The following SNX13 variants were observed in gnomAD, a reference collection of about 807,000 sequenced individuals.
SNX13 encodes the protein sorting nexin 13.
SNX13 carries 45 observed loss-of-function variants against 133.6 expected under a neutral mutation model. That is an observed-to-expected ratio of 0.34 (90% CI 0.27 to 0.43). The LOEUF is 0.43. Among genes scored for constraint, SNX13 ranks in the 20% least tolerant of loss-of-function variants. The pLI is 1.00. For synonymous variants in SNX13, 414 were observed against 373.9 expected, an observed-to-expected ratio of 1.11 and a Z score of -1.24; for missense variants, 1,032 against 1,145.1, an observed-to-expected ratio of 0.90 and a Z score of 1.43.
intron 1 of SNX13, among the ~76,000 whole-genome samples, chr7:17,924,827 G>C (rs1321738154): frequency 6.6e-6 from 1 of 152,128 alleles, no homozygotes. Context: ...GATACAACAT[G>C]GATGAATCTT....
intron 16 of SNX13, among the ~76,000 whole-genome samples, chr7:17,828,277 A>C (rs1788124607): frequency 6.6e-6 from 1 of 151,808 alleles, no homozygotes; most frequent in East Asian, 1.9e-4. Flanking sequence ...GGAATATATT[A>C]AAAGACAATT....
At chr7:17,872,035 G>A (rs1794180320) in intron 8 of SNX13, among the ~76,000 whole-genome samples, 2 of 152,154 alleles carry the variant, frequency 1.3e-5, no homozygotes, top group Admixed American at 1.3e-4. Flanking sequence ...GTTTTAAAAA[G>A]CTGTGAGTCA....
intron 22 of SNX13, among the ~76,000 whole-genome samples, chr7:17,801,091 A>G (rs943359254): frequency 1.8e-5 from 2 of 108,716 alleles, no homozygotes; most frequent in East Asian, 5.9e-4. Context: ...TCCTAAGTAT[A>G]GATCCAATAG....
chr7:17,811,879 A>C (rs918028849), intron 20 of SNX13, among the ~76,000 whole-genome samples: 4 of 152,182 alleles, frequency 2.6e-5, no homozygotes, highest in Admixed American at 6.5e-5. Context: ...AAACCCTGAC[A>C]AAAACAAGCA....
intron 25 of SNX13, chr7:17,795,651 G>A (rs916960585): frequency 6.6e-6 from 1 of 151,542 alleles, no homozygotes; most frequent in African/African-American, 2.4e-5. Context: ...ATTTCTACTG[G>A]AAAGTAAGCT....
At chr7:17,834,224 G>C (rs776009242) in intron 14 of SNX13, 40 bp from the exon 15 acceptor site, 16 of 1,477,322 alleles carry the variant, frequency 1.1e-5, no homozygotes, top group Non-Finnish European at 1.4e-5. Flanking sequence ...ATTAATACAG[G>C]TGTGTGGTGA....
intron 1 of SNX13, among the ~76,000 whole-genome samples, chr7:17,923,172 T>C (rs1800322617): frequency 1.3e-5 from 2 of 152,196 alleles, no homozygotes; most frequent in South Asian, 4.1e-4. Flanking sequence ...CCAAAACTTG[T>C]ACTCCACCAC....
chr7:17,918,032 C>T (rs764403548), intron 1 of SNX13, among the ~76,000 whole-genome samples: 2 of 151,942 alleles, frequency 1.3e-5, no homozygotes, highest in Non-Finnish European at 2.9e-5. Context: ...TCGACAACAT[C>T]GACAAAAATA....
chr7:17,936,040 C>G (rs562584120), intron 1 of SNX13, among the ~76,000 whole-genome samples: 1 of 152,142 alleles, frequency 6.6e-6, no homozygotes, highest in Admixed American at 6.5e-5. Flanking sequence ...GTTCAGGGAG[C>G]CTTTCTTGAT....
At chr7:17,864,402 A>C (rs1793107754) in intron 9 of SNX13, among the ~76,000 whole-genome samples, 1 of 152,232 alleles carries the variant, frequency 6.6e-6, no homozygotes, top group Non-Finnish European at 1.5e-5. Flanking sequence ...GAGTATCTTA[A>C]TAGCAGAATT....
intron 20 of SNX13, among the ~76,000 whole-genome samples, chr7:17,811,410 G>A (rs185937734): frequency 2.0e-5 from 3 of 152,214 alleles, no homozygotes; most frequent in Admixed American, 2.0e-4. Context: ...GCTACAAAGA[G>A]AATAAAATAC....
chr7:17,798,600 G>A (rs938382085), intron 24 of SNX13, 90 bp downstream of exon 24: 1 of 979,020 alleles, frequency 1.0e-6, no homozygotes, highest in African/African-American at 1.7e-5. Context: ...TTTATGTCCA[G>A]GAAGGAAACA....
In SNX13 at chr7:17,882,834, G is replaced by A. The variant is rs551928493; in HGVS notation, c.441-7044C>T. The A allele has an allele frequency of 1.9e-4, 248 of 1,277,176 alleles. 2 individuals are homozygous for A. In the South Asian group the frequency reaches 3.0e-3, roughly 16 times the overall value. The allele number at this position is 1,277,176 out of a possible 1,614,324, so 79.1% of individuals were successfully genotyped here. A position where few individuals can be genotyped will look rare whatever the true frequency, so the allele number is the denominator to read the frequency against. The stretch of plus-strand genomic sequence containing the variant: ...AGAATTTAAATTACATATTCTAGGA[G>A]ACACAGTGAGACCAAGGTTTTGTTA... On this transcript the variant is annotated intron_variant, in intron 5 of 25. Coordinates refer to ENST00000428135, the MANE Select transcript of SNX13 (RefSeq NM_015132.5).
intron 1 of SNX13, among the ~76,000 whole-genome samples, chr7:17,905,463 A>G (rs1353851443): frequency 6.6e-6 from 1 of 152,220 alleles, no homozygotes; most frequent in Non-Finnish European, 1.5e-5. Flanking sequence ...CAGAAAAGAT[A>G]ATGCCTTTAG....
At chr7:17,851,673 C>G (rs1480100699) in intron 9 of SNX13, among the ~76,000 whole-genome samples, 2 of 113,010 alleles carry the variant, frequency 1.8e-5, no homozygotes, top group South Asian at 3.0e-4. Context: ...GGAGTTACCA[C>G]TAAACAAGAT....
rs1185712791 is a variant in SNX13 at position 17,834,121 on chromosome 7, C to G, written c.1528G>C (p.Val510Leu). 1 of 1,594,640 alleles carries G rather than the reference C, an allele frequency of 6.3e-7. No individual in the cohort carries two copies. The part of the protein sequence containing the change: ...YPSFRQNALY[V>L]RMLAELDMLK... ...ATGTCAAGCTCAGCTAACATGCGCACATAAAGTGCATTCTGTCTGAAGGAA... is the reference window on the plus strand; with the variant it reads ...ATGTCAAGCTCAGCTAACATGCGCAGATAAAGTGCATTCTGTCTGAAGGAA... The change falls in exon 15 of 26, where the codon GTG becomes CTG. Residue 510 changes from valine to leucine, a missense_variant. Physicochemically the swap from Val to Leu is conservative, Grantham distance 32 (BLOSUM62 1). Coordinates refer to ENST00000428135, the MANE Select transcript of SNX13 (RefSeq NM_015132.5).
At chr7:17,813,505 ATTTGT>A (rs748236089) in intron 20 of SNX13, among the ~76,000 whole-genome samples, 30 of 152,152 alleles carry the variant, frequency 2.0e-4, no homozygotes, top group Non-Finnish European at 2.5e-4. Context: ...GGTTTTTGCC[ATTTGT>A]TTTAAATGTC....
intron 12 of SNX13, among the ~76,000 whole-genome samples, chr7:17,843,322 G>A (rs1790123983): frequency 6.6e-6 from 1 of 151,956 alleles, no homozygotes; most frequent in Non-Finnish European, 1.5e-5. Context: ...ATCAAAAATG[G>A]TTAAGATGTA....
chr7:17,810,539 A>G (rs984447010), intron 20 of SNX13, among the ~76,000 whole-genome samples: 10 of 152,224 alleles, frequency 6.6e-5, no homozygotes, highest in Non-Finnish European at 1.3e-4. Flanking sequence ...TACCAGAGGT[A>G]CAATTCTACT....
Sources: gnomAD v4.1 joint callset for allele counts (sites outside exome capture counted in the v4.1 genomes callset) on GRCh38, gnomAD v4.1.1 for gene constraint, MANE v1.5 for transcripts, NCBI Gene and HGNC (gene_info 2026-07-23, HGNC 2026-07-21) for gene names.